The following PSKH2 variants were observed in gnomAD, a reference collection of about 807,000 sequenced individuals.
The protein encoded by PSKH2 is serine/threonine-protein kinase H2.
Under a neutral mutation model 22.5 loss-of-function variants are expected in PSKH2, and 16 were observed. The observed-to-expected ratio is 0.71, with a 90% CI of 0.48 to 1.08. The LOEUF (loss-of-function observed/expected upper bound fraction) is 1.08, where lower values mean the gene tolerates loss of function less well. Among genes scored for constraint, PSKH2 ranks in the 50% least tolerant of loss-of-function variants. PSKH2 has a pLI of 0.00. For missense variants in PSKH2, 516 were observed against 492.8 expected (o/e 1.05, Z -0.44); for synonymous variants, 188 against 184.8 (o/e 1.02, Z -0.14).
rs74423897 is a variant in PSKH2 at position 86,065,956 on chromosome 8, C to T, written c.186-1325G>A. 6.0e-3 allele frequency among the ~76,000 whole-genome samples: 911 copies of T among 152,004 alleles called. 8 individuals carry two copies. Among genetic ancestry groups the T allele is most frequent in the African/African-American group, 0.021 (876 of 41,448 alleles). On this transcript the variant is annotated intron_variant, in intron 1 of 2. Coordinates refer to ENST00000276616, the MANE Select transcript of PSKH2 (RefSeq NM_033126.3). ...CTGCACTCCAGCTTGGGTGAGAGAG[C>T]GAGACCTCTGTCTCAAAAATTAAAA...
intron 2 of PSKH2, among the ~76,000 whole-genome samples, chr8:86,060,125 G>A (rs2130160011): frequency 6.6e-6 from 1 of 152,242 alleles, no homozygotes. Flanking sequence ...GATTTCATCT[G>A]CATAACAAGA....
chr8:86,049,903 T>G (rs1415727185), intron 2 of PSKH2, among the ~76,000 whole-genome samples: 1 of 130,756 alleles, frequency 7.6e-6, no homozygotes, highest in Non-Finnish European at 1.7e-5. Flanking sequence ...AGGAAGGAAG[T>G]GAAGTGCACT....
At position 86,064,327 on chromosome 8, in the gene PSKH2, G is replaced by C; in HGVS notation, c.490C>G (p.Leu164Val). ...CTAATCCCATCAGCAACCATCTGGA[G>C]GATCCTGACGGCATCCCGCTCTGTA... ...SFTERDAVRILQMVADGIRYL... is the reference protein window; with the variant it reads ...SFTERDAVRIVQMVADGIRYL... The change falls in exon 2 of 3, where the codon CTC becomes GTC. Residue 164 changes from leucine (L) to valine (V), a missense_variant. By Grantham distance (32) the Leu-to-Val change is conservative (BLOSUM62 1). Transcript: ENST00000276616. 1 of 1,614,142 alleles carries C rather than the reference G, an allele frequency of 6.2e-7. No individual in the cohort carries two copies. Among genetic ancestry groups the C allele is most frequent in the Non-Finnish European group, 8.5e-7 (1 of 1,180,036 alleles).
intron 2 of PSKH2, among the ~76,000 whole-genome samples, chr8:86,060,499 C>T (rs1444061126): frequency 6.6e-6 from 1 of 152,104 alleles, no homozygotes; most frequent in Non-Finnish European, 1.5e-5. Flanking sequence ...TGATGATATA[C>T]TTTTCTGAGT....
chr8:86,064,474 C>T lies in PSKH2; in HGVS notation c.343G>A (p.Val115Ile). The change falls in exon 2 of 3, where the codon GTT (valine) becomes ATT (isoleucine). Residue 115 changes from valine to isoleucine, a missense_variant. By Grantham distance (29) the Val-to-Ile change is conservative (BLOSUM62 3). Transcript: ENST00000276616. Reference protein sequence around the residue: ...CVSELSVLRRVSHRYIVQLME... With the variant: ...CVSELSVLRRISHRYIVQLME... ...AGCTGGACAATGTAACGATGGCTAA[C>T]CCGCCGCAGGACGCTCAGCTCAGAC... 1 of 1,614,082 alleles carries T rather than the reference C, an allele frequency of 6.2e-7. No homozygotes were observed. Among genetic ancestry groups the T allele is most frequent in the Non-Finnish European group, 8.5e-7 (1 of 1,180,022 alleles).
In PSKH2 at chr8:86,068,924, A is replaced by G. The variant is rs569215751; in HGVS notation, c.185+514T>C. On this transcript the variant is annotated intron_variant, in intron 1 of 2. Coordinates refer to ENST00000276616, the MANE Select transcript of PSKH2 (RefSeq NM_033126.3). ...TTCCCATCCTCTGAACTCCCTGTTC[A>G]GAGATGTCAAAGAGAAATTGTACTG... Among the ~76,000 whole-genome samples the G allele has an allele frequency of 5.3e-5, 8 of 151,824 alleles. No individual in the cohort carries two copies. In the South Asian group the frequency reaches 1.0e-3, roughly 20 times the overall value.
intron 1 of PSKH2, 35 bp downstream of exon 1, chr8:86,069,403 C>G (rs1350318318): frequency 6.6e-7 from 1 of 1,516,346 alleles, no homozygotes; most frequent in Non-Finnish European, 8.8e-7. Context: ...CTTTGTCAGC[C>G]CAGTCCCAGG....
rs1351021369 is a variant in PSKH2, at chr8:86,047,718, G to T, written c.*744C>A. Among the ~76,000 whole-genome samples the T allele has an allele frequency of 6.6e-6, 1 of 151,992 alleles. No homozygotes were observed. The highest frequency in any genetic ancestry group is 2.4e-5 in the African/African-American group (1 of 41,390). On this transcript the variant is annotated 3_prime_UTR_variant, in exon 3 of 3. Coordinates refer to ENST00000276616, the MANE Select transcript of PSKH2 (RefSeq NM_033126.3). ...CATGGTGAGTGTTTAAAGTCATCAAGATATTTGATTAAATAATTCTAAAAG... is the reference window on the plus strand; with the variant it reads ...CATGGTGAGTGTTTAAAGTCATCAATATATTTGATTAAATAATTCTAAAAG...
intron 1 of PSKH2, among the ~76,000 whole-genome samples, chr8:86,066,021 A>G (rs1044257527): frequency 6.6e-6 from 1 of 151,934 alleles, no homozygotes; most frequent in African/African-American, 2.4e-5. Flanking sequence ...TTAACCCTCT[A>G]CCTCATATTT....
chr8:86,054,871 T>C (rs1298548114), intron 2 of PSKH2, among the ~76,000 whole-genome samples: 2 of 152,244 alleles, frequency 1.3e-5, no homozygotes, highest in South Asian at 4.2e-4. Flanking sequence ...TTAAGTAAAA[T>C]TGGGTACAGT....
chr8:86,048,336 T>C lies in PSKH2; in HGVS notation c.*126A>G, dbSNP rs1817558596. On this transcript the variant is annotated 3_prime_UTR_variant, in exon 3 of 3. Transcript: ENST00000276616. ...TAGGAAAAATTATAGAACAAGAAAATGTTAAAAGTCAAGATCAATAGTATC... is the reference window on the plus strand; with the variant it reads ...TAGGAAAAATTATAGAACAAGAAAACGTTAAAAGTCAAGATCAATAGTATC... 2.9e-6 allele frequency: 2 copies of C among 691,300 alleles called. No homozygotes were observed. The highest frequency in any genetic ancestry group is 2.8e-5 in the Admixed American group (1 of 35,802). The allele number at this position is 691,300 out of a possible 1,614,324, so 42.8% of individuals were successfully genotyped here.
intron 2 of PSKH2, among the ~76,000 whole-genome samples, chr8:86,060,356 C>T (rs547245239): frequency 2.8e-4 from 43 of 152,192 alleles, no homozygotes; most frequent in African/African-American, 7.5e-4. Context: ...AAATTATATT[C>T]GGAAGAAGGG....
At chr8:86,049,580 G>C (rs1586055922) in intron 2 of PSKH2, among the ~76,000 whole-genome samples, 3 of 146,760 alleles carry the variant, frequency 2.0e-5, no homozygotes, top group Middle Eastern at 3.4e-3. Context: ...AAAGAGGAGA[G>C]AGAGAGAGAG....
rs779093718 is a variant in PSKH2, at chr8:86,048,684, G to C, written c.936C>G (p.Gly312=). 6.2e-7 allele frequency: 1 copy of C among 1,614,138 alleles called. No homozygotes were observed. The highest frequency in any genetic ancestry group is 8.5e-7 in the Non-Finnish European group (1 of 1,180,014). The change falls in exon 3 of 3, where the codon GGC becomes GGG. Residue 312 remains glycine (G), a synonymous_variant. Coordinates refer to ENST00000276616, the MANE Select transcript of PSKH2 (RefSeq NM_033126.3). ...ILEAGHRMSA[G]QALDHPWVIT... The stretch of plus-strand genomic sequence containing the variant: ...TCACCCAGGGATGGTCCAGGGCCTG[G>C]CCAGCTGACATGCGATGACCAGCCT...
chr8:86,069,335 T>C (rs1029320254), intron 1 of PSKH2, 103 bp downstream of exon 1: 32 of 1,078,852 alleles, frequency 3.0e-5, no homozygotes, highest in Non-Finnish European at 4.2e-5. Flanking sequence ...GAAAGAACCC[T>C]GTCCAAAATT....
chr8:86,061,644 G>A (rs148378669), intron 2 of PSKH2, among the ~76,000 whole-genome samples: 4 of 152,284 alleles, frequency 2.6e-5, no homozygotes, highest in East Asian at 1.9e-4. Flanking sequence ...GGAGAAACCC[G>A]TGGAGGAAAA....
intron 2 of PSKH2, among the ~76,000 whole-genome samples, chr8:86,054,985 A>G (rs896350356): frequency 6.6e-6 from 1 of 152,094 alleles, no homozygotes; most frequent in Non-Finnish European, 1.5e-5. Context: ...ACCAAAATAA[A>G]TGGGTTGGCC....
At chr8:86,051,117 G>A (rs1437555096) in intron 2 of PSKH2, among the ~76,000 whole-genome samples, 2 of 151,680 alleles carry the variant, frequency 1.3e-5, no homozygotes, top group East Asian at 3.9e-4. Context: ...CCAGGCTGGA[G>A]TGCAGTGGCA....
At position 86,069,640 on chromosome 8, in the gene PSKH2, C is replaced by T. The variant is rs765656891; in HGVS notation, c.-18G>A. On this transcript the variant is annotated 5_prime_UTR_variant, in exon 1 of 3. Coordinates refer to ENST00000276616, the MANE Select transcript of PSKH2 (RefSeq NM_033126.3). Reference sequence around the variant, plus strand: ...CACCCCATACCCGCAACACGCCCGCCGCTCGCGGGACCTGGGGACTCGGGA... The same window carrying T: ...CACCCCATACCCGCAACACGCCCGCTGCTCGCGGGACCTGGGGACTCGGGA... The T allele has an allele frequency of 3.3e-6, 5 of 1,524,232 alleles. No individual in the cohort carries two copies. The highest frequency in any genetic ancestry group is 3.5e-6 in the Non-Finnish European group (4 of 1,141,256). 94.4% of individuals were successfully genotyped at this position (1,524,232 alleles called of 1,614,324 possible).
Sources: gnomAD v4.1 joint callset for allele counts (sites outside exome capture counted in the v4.1 genomes callset) on GRCh38, gnomAD v4.1.1 for gene constraint, MANE v1.5 for transcripts, NCBI Gene and HGNC (gene_info 2026-07-23, HGNC 2026-07-21) for gene names.